MAD1L1: variants seen among roughly 807,000 people sequenced by gnomAD.
MAD1L1 encodes mitotic spindle assembly checkpoint protein MAD1.
MAD1L1 carries 95 observed loss-of-function variants against 96.9 expected under a neutral mutation model. The ratio of observed to expected loss-of-function variants is 0.98; its 90% CI spans 0.83 to 1.16. MAD1L1 has a LOEUF of 1.16. Ranked by LOEUF, MAD1L1 falls within the 50% of genes most tolerant of loss-of-function variation. The pLI is 0.00. For synonymous variants in MAD1L1, 473 were observed against 396.6 expected, an observed-to-expected ratio of 1.19 and a Z score of -2.29; for missense variants, 1,007 against 954.4, an observed-to-expected ratio of 1.06 and a Z score of -0.73.
chr7:2,180,137 A>C (rs1279077489), intron 10 of MAD1L1, among the ~76,000 whole-genome samples: 1 of 152,228 alleles, frequency 6.6e-6, no homozygotes, highest in Non-Finnish European at 1.5e-5. Context: ...GAACGCTGAC[A>C]CAGAAAAGCT....
At chr7:2,067,060 T>G (rs1233031978) in intron 12 of MAD1L1, among the ~76,000 whole-genome samples, 1 of 152,172 alleles carries the variant, frequency 6.6e-6, no homozygotes, top group African/African-American at 2.4e-5. Context: ...GCTGCCCGCC[T>G]GGCCGGTGTG....
intron 14 of MAD1L1, among the ~76,000 whole-genome samples, chr7:1,983,380 A>G (rs1781014891): frequency 1.3e-5 from 2 of 152,154 alleles, no homozygotes; most frequent in South Asian, 4.1e-4. Context: ...GGTGGGGGAG[A>G]GCAGCCATGG....
intron 11 of MAD1L1, among the ~76,000 whole-genome samples, chr7:2,124,666 C>A (rs547371677): frequency 6.6e-6 from 1 of 152,332 alleles, no homozygotes; most frequent in Non-Finnish European, 1.5e-5. Context: ...TCCCCAGGGG[C>A]AGACCTGCTG....
At chr7:2,215,376 C>CAA (rs34020959) in intron 9 of MAD1L1, among the ~76,000 whole-genome samples, 24 of 83,272 alleles carry the variant, frequency 2.9e-4, no homozygotes, top group Non-Finnish European at 3.4e-4. Flanking sequence ...GACTCCATCT[C>CAA]AAAAAAAAAA....
chr7:2,213,117 C>A, intron 10 of MAD1L1, 95 bp downstream of exon 10: 1 of 1,334,408 alleles, frequency 7.5e-7, no homozygotes, highest in Non-Finnish European at 1.1e-6. Context: ...AGATGCCTGG[C>A]TGGAGACTGC....
At chr7:1,871,374 CGCTG>C (rs1785084979) in intron 18 of MAD1L1, among the ~76,000 whole-genome samples, 1 of 138,764 alleles carries the variant, frequency 7.2e-6, no homozygotes, top group African/African-American at 2.9e-5. Context: ...ATGCCTGCCA[CGCTG>C]AACCCACCGT....
chr7:1,989,622 C>G (rs529336639), intron 14 of MAD1L1, among the ~76,000 whole-genome samples: 1 of 152,160 alleles, frequency 6.6e-6, no homozygotes, highest in African/African-American at 2.4e-5. Flanking sequence ...ACAGACGTCC[C>G]GGCAGCGCTC....
At chr7:2,202,119 C>G (rs987876184) in intron 10 of MAD1L1, 1 of 152,616 alleles carries the variant, frequency 6.6e-6, no homozygotes, top group Non-Finnish European at 1.5e-5. Context: ...CAGAGACGCC[C>G]TCGCTCGGTC....
rs772350871 is a variant in MAD1L1, at chr7:1,898,093, C to T, written c.1998+107G>A. On this transcript the variant is annotated intron_variant, in intron 18 of 18. Transcript: ENST00000265854. Reference sequence around the variant, plus strand: ...CTTCCCGCCCAGCCCTCCACACCATCCCCTTTGGACGCGAGGCTGCTCCTT... The same window carrying T: ...CTTCCCGCCCAGCCCTCCACACCATTCCCTTTGGACGCGAGGCTGCTCCTT... 2.5e-6 allele frequency: 3 copies of T among 1,192,564 alleles called. No homozygotes were observed. The Admixed American group carries it at 6.0e-5, about 24-fold the overall frequency. The allele number at this position is 1,192,564 out of a possible 1,614,324, so 73.9% of individuals were successfully genotyped here. A position where few individuals can be genotyped will look rare whatever the true frequency, so the allele number is the denominator to read the frequency against.
intron 11 of MAD1L1, among the ~76,000 whole-genome samples, chr7:2,138,713 C>G (rs1278090079): frequency 6.6e-6 from 1 of 152,142 alleles, no homozygotes; most frequent in Non-Finnish European, 1.5e-5. Flanking sequence ...GCTGCCTTCC[C>G]CCAGGCAGGC....
rs544823270 is a variant in MAD1L1, at chr7:1,851,501, T to C, written c.1999-35273A>G. Among the ~76,000 whole-genome samples, 5 of 152,190 alleles carry C rather than the reference T, an allele frequency of 3.3e-5. No homozygotes were observed. The East Asian group carries it at 9.7e-4, about 30-fold the overall frequency. ...CCTGATGAACTGTGCGTCACCCCAG[T>C]GACCAGGGCCAGAGGAATCTGCTCG... is the stretch of plus-strand genomic sequence containing the variant. On this transcript the variant is annotated intron_variant, in intron 18 of 18. Coordinates refer to ENST00000265854, the MANE Select transcript of MAD1L1 (RefSeq NM_001013836.2).
Position 1,816,016 on chromosome 7 carries a change from A to G in MAD1L1, c.*54T>C. ...CAGCCTGTGGCTGGCGGGGCAGGGG[A>G]CCTGCAGGTCAGGCCAAGCAGAGTG... On this transcript the variant is annotated 3_prime_UTR_variant, in exon 19 of 19. Transcript: ENST00000265854. 1 of 1,519,392 alleles carries G rather than the reference A, an allele frequency of 6.6e-7. No homozygotes were observed. The highest frequency in any genetic ancestry group is 8.8e-7 in the Non-Finnish European group (1 of 1,131,394). 94.1% of individuals were successfully genotyped at this position (1,519,392 alleles called of 1,614,324 possible). A position where few individuals can be genotyped will look rare whatever the true frequency, so the allele number is the denominator to read the frequency against.
intron 13 of MAD1L1, among the ~76,000 whole-genome samples, chr7:2,006,617 G>A (rs1412460939): frequency 2.6e-5 from 4 of 151,054 alleles, no homozygotes; most frequent in East Asian, 3.9e-4. Flanking sequence ...CATTAAACCC[G>A]CACAGCCCAA....
chr7:2,188,197 C>T (rs1234404628), intron 10 of MAD1L1, among the ~76,000 whole-genome samples: 1 of 152,344 alleles, frequency 6.6e-6, no homozygotes, highest in Middle Eastern at 3.4e-3. Context: ...AAGATTATTC[C>T]GTACCACAAC....
chr7:2,161,082 AATC>A (rs149657661), intron 10 of MAD1L1, among the ~76,000 whole-genome samples: 1,084 of 58,656 alleles, frequency 0.018, 17 homozygotes, highest in African/African-American at 0.061. Context: ...TCCTACCCAG[AATC>A]ATCAAGACGA....
chr7:1,868,390 G>C (rs1254316446), intron 18 of MAD1L1, among the ~76,000 whole-genome samples: 3 of 152,076 alleles, frequency 2.0e-5, no homozygotes, highest in Non-Finnish European at 1.5e-5. Flanking sequence ...CACGCTTCCC[G>C]GGCTGCTCCC....
At chr7:1,888,376 C>T (rs1786291940) in intron 18 of MAD1L1, among the ~76,000 whole-genome samples, 1 of 101,538 alleles carries the variant, frequency 9.8e-6, no homozygotes, top group South Asian at 4.0e-4. Flanking sequence ...GTGTATGTGG[C>T]TGCCTATGCG....
intron 18 of MAD1L1, among the ~76,000 whole-genome samples, chr7:1,887,550 T>A (rs1448230601): frequency 2.0e-5 from 3 of 149,902 alleles, no homozygotes; most frequent in Admixed American, 6.6e-5. Flanking sequence ...TGCCTGTGCA[T>A]GTGTGCAAGC....
chr7:2,055,525 G>C (rs1784350441), intron 12 of MAD1L1, among the ~76,000 whole-genome samples: 1 of 152,062 alleles, frequency 6.6e-6, no homozygotes. Flanking sequence ...AAAAGAATTA[G>C]ATGGGCACGG....
Sources: gnomAD v4.1 joint callset for allele counts (sites outside exome capture counted in the v4.1 genomes callset) on GRCh38, gnomAD v4.1.1 for gene constraint, MANE v1.5 for transcripts, NCBI Gene and HGNC (gene_info 2026-07-23, HGNC 2026-07-21) for gene names.